FHIT: variants seen among roughly 807,000 people sequenced by gnomAD.
FHIT encodes bis(5'-adenosyl)-triphosphatase.
FHIT carries 19 observed loss-of-function variants against 17.9 expected under a neutral mutation model. The observed-to-expected ratio is 1.06, with a 90% confidence interval of 0.74 to 1.56. FHIT has a LOEUF of 1.56. FHIT is among the 40% of genes most tolerant of loss of function. FHIT has a pLI of 0.00. For synonymous variants in FHIT, 81 were observed against 69.7 expected (o/e 1.16, Z -0.81); for missense variants, 248 against 189.2 (o/e 1.31, Z -1.82).
chr3:61,171,276 C>T (rs2037995921), intron 2 of FHIT, among the ~76,000 whole-genome samples: 1 of 152,146 alleles, frequency 6.6e-6, no homozygotes, highest in South Asian at 2.1e-4. Context: ...CTATCAAGTC[C>T]TTTGCCCACT....
intron 5 of FHIT, among the ~76,000 whole-genome samples, chr3:60,345,927 C>G (rs1710754222): frequency 6.6e-6 from 1 of 152,210 alleles, no homozygotes; most frequent in African/African-American, 2.4e-5. Flanking sequence ...CTTGAAGATG[C>G]ATTGGTAATT....
At chr3:60,081,087 G>A (rs1703263643) in intron 5 of FHIT, among the ~76,000 whole-genome samples, 1 of 152,088 alleles carries the variant, frequency 6.6e-6, no homozygotes, top group Non-Finnish European at 1.5e-5. Context: ...CAGGGAGATG[G>A]AATGAGGTAG....
At chr3:61,202,456 T>G (rs557454673) in intron 1 of FHIT, among the ~76,000 whole-genome samples, 181 of 120,906 alleles carry the variant, frequency 1.5e-3, no homozygotes, top group Non-Finnish European at 2.6e-3. Flanking sequence ...GTGTGTGATC[T>G]TTTCTGTTCT....
At chr3:59,786,843 G>T (rs1474246297) in intron 8 of FHIT, among the ~76,000 whole-genome samples, 1 of 152,236 alleles carries the variant, frequency 6.6e-6, no homozygotes, top group Non-Finnish European at 1.5e-5. Context: ...TGTGGCTGCT[G>T]CTGCGAACAC....
chr3:60,001,969 G>T (rs759133951), intron 7 of FHIT, among the ~76,000 whole-genome samples: 8 of 152,154 alleles, frequency 5.3e-5, no homozygotes, highest in Non-Finnish European at 1.0e-4. Context: ...TTTTGTGGGG[G>T]AACACGAACT....
chr3:59,922,982 G>A (rs186811075), intron 7 of FHIT, among the ~76,000 whole-genome samples: 3 of 152,048 alleles, frequency 2.0e-5, no homozygotes, highest in East Asian at 1.9e-4. Context: ...TGAGGTGGCC[G>A]GGCACGGTGG....
intron 5 of FHIT, among the ~76,000 whole-genome samples, chr3:60,416,296 A>G (rs895253120): frequency 1.3e-5 from 2 of 152,222 alleles, no homozygotes; most frequent in Non-Finnish European, 2.9e-5. Flanking sequence ...GATACAACCA[A>G]TAAAAGGGCA....
chr3:60,996,044 T>A (rs140104547), intron 3 of FHIT, among the ~76,000 whole-genome samples: 1 of 151,954 alleles, frequency 6.6e-6, no homozygotes, highest in Non-Finnish European at 1.5e-5. Context: ...TTTGGTTTTA[T>A]TTAAGGCATA....
At chr3:60,461,303 A>C (rs1472168484) in intron 5 of FHIT, among the ~76,000 whole-genome samples, 1 of 152,184 alleles carries the variant, frequency 6.6e-6, no homozygotes, top group Non-Finnish European at 1.5e-5. Flanking sequence ...TAGAAACCCA[A>C]GACGTAGAGC....
At chr3:60,990,702 C>T (rs536579465) in intron 3 of FHIT, among the ~76,000 whole-genome samples, 10 of 152,270 alleles carry the variant, frequency 6.6e-5, no homozygotes, top group East Asian at 3.9e-4. Flanking sequence ...AGTCAATTCC[C>T]GCGATTGCGA....
chr3:60,301,198 G>A (rs890176978), intron 5 of FHIT, among the ~76,000 whole-genome samples: 14 of 152,198 alleles, frequency 9.2e-5, no homozygotes, highest in African/African-American at 3.1e-4. Flanking sequence ...TAGTCAACAA[G>A]TAAATAATAT....
At chr3:60,575,915 C>T (rs142896081) in intron 4 of FHIT, among the ~76,000 whole-genome samples, 78 of 152,226 alleles carry the variant, frequency 5.1e-4, no homozygotes, top group African/African-American at 1.8e-3. Flanking sequence ...TTACTCAAAG[C>T]CACTGGCAGC....
chr3:59,881,782 C>G (rs1015553945), intron 8 of FHIT, among the ~76,000 whole-genome samples: 8 of 152,100 alleles, frequency 5.3e-5, no homozygotes, highest in African/African-American at 1.7e-4. Context: ...TGGTTATGGT[C>G]TAAAGATATT....
intron 4 of FHIT, among the ~76,000 whole-genome samples, chr3:60,820,318 C>T (rs1214139273): frequency 6.6e-6 from 1 of 151,906 alleles, no homozygotes; most frequent in Non-Finnish European, 1.5e-5. Context: ...AAAAGAAAGC[C>T]CTCCTTCAGG....
At chr3:61,122,830 T>C in intron 2 of FHIT, among the ~76,000 whole-genome samples, 1 of 152,102 alleles carries the variant, frequency 6.6e-6, no homozygotes, top group East Asian at 1.9e-4. Flanking sequence ...TTAGAATGGC[T>C]ATCATTAAAA....
At chr3:60,134,127 G>A (rs1239237956) in intron 5 of FHIT, among the ~76,000 whole-genome samples, 2 of 152,092 alleles carry the variant, frequency 1.3e-5, no homozygotes, top group Non-Finnish European at 2.9e-5. Context: ...AGGGACAGAA[G>A]TACTACTCAG....
chr3:60,851,228 T>C (rs1553748185), intron 3 of FHIT, among the ~76,000 whole-genome samples: 1 of 152,112 alleles, frequency 6.6e-6, no homozygotes, highest in Non-Finnish European at 1.5e-5. Context: ...CTCTTGGAAA[T>C]CTCTTTAATT....
At chr3:60,880,371 A>G (rs1704903427) in intron 3 of FHIT, among the ~76,000 whole-genome samples, 1 of 152,226 alleles carries the variant, frequency 6.6e-6, no homozygotes, top group African/African-American at 2.4e-5. Context: ...AAGAAATTCT[A>G]AAGGGACTCC....
At chr3:59,971,430 G>C (rs1232655887) in intron 7 of FHIT, among the ~76,000 whole-genome samples, 1 of 152,052 alleles carries the variant, frequency 6.6e-6, no homozygotes, top group Non-Finnish European at 1.5e-5. Context: ...AAGGGTCCTG[G>C]TTCAAGAGGT....
Sources: gnomAD v4.1 joint callset for allele counts (sites outside exome capture counted in the v4.1 genomes callset) on GRCh38, gnomAD v4.1.1 for gene constraint, MANE v1.5 for transcripts, NCBI Gene and HGNC (gene_info 2026-07-23, HGNC 2026-07-21) for gene names.